CCNY: variants seen among roughly 807,000 people sequenced by gnomAD.
CCNY encodes the protein cyclin-Y.
Under a neutral mutation model 42.8 loss-of-function variants are expected in CCNY, and 19 were observed. The observed-to-expected ratio is 0.44, with a 90% CI of 0.31 to 0.65. The LOEUF (loss-of-function observed/expected upper bound fraction) is 0.65. Ranked by LOEUF, CCNY falls within the 30% of genes least tolerant of loss-of-function variation. The pLI is 0.07. For missense variants in CCNY, 370 were observed against 437.3 expected (o/e 0.85, Z 1.37); for synonymous variants, 165 against 162.7 (o/e 1.01, Z -0.11).
At chr10:35,409,463 C>T (rs1391843736) in intron 1 of CCNY, among the ~76,000 whole-genome samples, 1 of 152,096 alleles carries the variant, frequency 6.6e-6, no homozygotes, top group Non-Finnish European at 1.5e-5. Flanking sequence ...AAGTGTGAGT[C>T]ATTGTGAAGT....
chr10:35,456,732 G>A (rs1156730410), intron 1 of CCNY, among the ~76,000 whole-genome samples: 1 of 152,138 alleles, frequency 6.6e-6, no homozygotes, highest in Non-Finnish European at 1.5e-5. Context: ...GCAGTTTAAA[G>A]TTATAGAATG....
chr10:35,330,132 T>A (rs1368665002), intron 3 of CCNY, among the ~76,000 whole-genome samples: 15 of 152,142 alleles, frequency 9.9e-5, no homozygotes, highest in Admixed American at 7.2e-4. Context: ...AGTGCCTGGC[T>A]CGAGGGAGAC....
intron 2 of CCNY, among the ~76,000 whole-genome samples, chr10:35,488,289 T>C (rs748562869): frequency 9.8e-5 from 15 of 152,358 alleles, no homozygotes; most frequent in Non-Finnish European, 1.6e-4. Flanking sequence ...GCTGTCCTCA[T>C]TGGGGTCGTG....
chr10:35,548,257 T>A (rs1841158899), intron 7 of CCNY, among the ~76,000 whole-genome samples: 1 of 148,298 alleles, frequency 6.7e-6, no homozygotes, highest in Non-Finnish European at 1.5e-5. Flanking sequence ...TAAGGACAAA[T>A]ATATATATAC....
At chr10:35,522,512 A>G (rs1402191526) in intron 4 of CCNY, among the ~76,000 whole-genome samples, 1 of 152,208 alleles carries the variant, frequency 6.6e-6, no homozygotes, top group South Asian at 2.1e-4. Flanking sequence ...AATAAGAGCC[A>G]CACTCCAGGG....
At chr10:35,294,623 A>C (rs554238426) in intron 3 of CCNY, among the ~76,000 whole-genome samples, 2 of 152,266 alleles carry the variant, frequency 1.3e-5, no homozygotes, top group South Asian at 2.1e-4. Context: ...CTTGGCCATG[A>C]GGCATAAATC....
chr10:35,527,175 A>G (rs940705176), intron 5 of CCNY, among the ~76,000 whole-genome samples: 1 of 152,246 alleles, frequency 6.6e-6, no homozygotes, highest in African/African-American at 2.4e-5. Flanking sequence ...TTTTGGATTT[A>G]AGAACTTACA....
chr10:35,407,892 A>C (rs1486992396), intron 1 of CCNY, among the ~76,000 whole-genome samples: 1 of 152,192 alleles, frequency 6.6e-6, no homozygotes, highest in Non-Finnish European at 1.5e-5. Context: ...ATCAGACACC[A>C]GTGGAACGTG....
chr10:35,564,450 A>G (rs541764578), intron 8 of CCNY, among the ~76,000 whole-genome samples: 8 of 152,030 alleles, frequency 5.3e-5, no homozygotes, highest in Admixed American at 5.2e-4. Context: ...TGTCACAGCA[A>G]CTTGAGCTGG....
intron 8 of CCNY, among the ~76,000 whole-genome samples, chr10:35,557,022 T>A (rs968113348): frequency 6.6e-6 from 1 of 152,148 alleles, no homozygotes; most frequent in African/African-American, 2.4e-5. Flanking sequence ...TTTTTGGTAT[T>A]TTTAGTACAG....
chr10:35,459,659 A>T (rs1241120252), intron 1 of CCNY, among the ~76,000 whole-genome samples: 1 of 152,182 alleles, frequency 6.6e-6, no homozygotes, highest in Non-Finnish European at 1.5e-5. Context: ...GAGTTTTCTC[A>T]GAACTCCTCC....
rs1397132654 is a variant in CCNY at position 35,572,338 on chromosome 10, A to T, written c.*3168A>T. 1.3e-5 allele frequency: 2 copies of T among 151,372 alleles called. No homozygotes were observed. The highest frequency in any genetic ancestry group is 2.9e-5 in the Non-Finnish European group (2 of 67,966). 9.4% of individuals were successfully genotyped at this position (151,372 alleles called of 1,614,324 possible). ...GCTCTTGTCACCCAGGCTGGTGTGCAATGGTGCGATCTGGGCTCACTGCAA... is the reference window on the plus strand; with the variant it reads ...GCTCTTGTCACCCAGGCTGGTGTGCTATGGTGCGATCTGGGCTCACTGCAA... On this transcript the variant is annotated 3_prime_UTR_variant, in exon 10 of 10. Coordinates refer to ENST00000374704, the MANE Select transcript of CCNY (RefSeq NM_145012.6).
intron 2 of CCNY, among the ~76,000 whole-genome samples, chr10:35,489,150 G>A (rs988385634): frequency 1.2e-4 from 18 of 152,172 alleles, no homozygotes; most frequent in Admixed American, 3.3e-4. Context: ...GGTGGCAGGT[G>A]CCTGTAGTCT....
rs144970725 is a variant in CCNY, at chr10:35,325,520, C to T, written c.-9+74894C>T. 1.2e-3 allele frequency among the ~76,000 whole-genome samples: 166 copies of T among 143,984 alleles called. 1 individual carries two copies. In the East Asian group the frequency reaches 0.029, roughly 25 times the overall value. The allele number at this position is 143,984 out of a possible 152,430, so 94.5% of individuals were successfully genotyped here. A position where few individuals can be genotyped will look rare whatever the true frequency, so the allele number is the denominator to read the frequency against. ...TTGAGACAGAGTTTCGCTCTTGTTG[C>T]TCAGGCTGGAGTGCAATGGCGTGAT... is the stretch of plus-strand genomic sequence containing the variant. On this transcript the variant is annotated intron_variant, in intron 3 of 11. Transcript: ENST00000374706.
At chr10:35,565,505 A>G (rs1049501100) in intron 8 of CCNY, among the ~76,000 whole-genome samples, 1 of 152,032 alleles carries the variant, frequency 6.6e-6, no homozygotes, top group Non-Finnish European at 1.5e-5. Flanking sequence ...CAGAGACTGG[A>G]CACCCTCCCC....
chr10:35,529,833 G>T, intron 5 of CCNY, 140 bp from the exon 6 acceptor site: 2 of 714,098 alleles, frequency 2.8e-6, no homozygotes, highest in Non-Finnish European at 2.3e-6. Flanking sequence ...TGGCGCCACT[G>T]CACTCCAGCC....
In CCNY at chr10:35,446,428, T is replaced by G. The variant is rs1838792135; in HGVS notation, c.155-36976T>G. On this transcript the variant is annotated intron_variant, in intron 1 of 9. Coordinates refer to ENST00000374704, the MANE Select transcript of CCNY (RefSeq NM_145012.6). The stretch of plus-strand genomic sequence containing the variant: ...TTCCCCACTAAATATAGATTTTCTT[T>G]CATTTAAATAGTACTTAATTGTCCT... Among the ~76,000 whole-genome samples, 3 of 152,234 alleles carry G rather than the reference T, an allele frequency of 2.0e-5. No homozygotes were observed. In the South Asian group the frequency reaches 6.2e-4, roughly 32 times the overall value.
intron 1 of CCNY, among the ~76,000 whole-genome samples, chr10:35,396,497 CCT>C (rs1837530183): frequency 6.6e-6 from 1 of 152,202 alleles, no homozygotes; most frequent in Non-Finnish European, 1.5e-5. Context: ...TGTTATGCTG[CCT>C]CTCTGGTACT....
At chr10:35,420,625 A>G (rs543886919) in intron 1 of CCNY, among the ~76,000 whole-genome samples, 1 of 152,316 alleles carries the variant, frequency 6.6e-6, no homozygotes, top group African/African-American at 2.4e-5. Context: ...TGACCAATTC[A>G]TGAGGAAGTC....
Sources: allele counts gnomAD v4.1 joint callset (sites outside exome capture counted in the v4.1 genomes callset), GRCh38; gene constraint gnomAD v4.1.1; transcripts MANE v1.5; gene names NCBI Gene and HGNC (gene_info 2026-07-23, HGNC 2026-07-21).